The following GLRA3 variants were observed in gnomAD, a reference collection of about 807,000 sequenced individuals.
GLRA3 encodes the protein glycine receptor alpha 3, also known as glycine receptor subunit alpha-3.
A neutral mutation model predicts 60.4 loss-of-function variants in GLRA3; 44 were observed. The ratio of observed to expected loss-of-function variants is 0.73; its 90% confidence interval spans 0.57 to 0.94. The LOEUF is 0.94. GLRA3 is among the 40% of genes least tolerant of loss of function. GLRA3 has a pLI of 0.00. For missense variants in GLRA3, 508 were observed against 564.6 expected (o/e 0.90, Z 1.02); for synonymous variants, 223 against 192.9 (o/e 1.16, Z -1.29).
At chr4:174,773,729 G>T (rs566164030) in intron 2 of GLRA3, among the ~76,000 whole-genome samples, 33 of 152,206 alleles carry the variant, frequency 2.2e-4, no homozygotes, top group African/African-American at 7.5e-4. Flanking sequence ...CTTTAAAAAG[G>T]TTTGTAAATT....
chr4:174,810,714 A>G (rs1740229510), intron 1 of GLRA3, among the ~76,000 whole-genome samples: 1 of 152,130 alleles, frequency 6.6e-6, no homozygotes, highest in African/African-American at 2.4e-5. Context: ...GGCTATAATG[A>G]TTAGAGTCAA....
At chr4:174,808,727 C>A (rs889245329) in intron 1 of GLRA3, among the ~76,000 whole-genome samples, 5 of 151,836 alleles carry the variant, frequency 3.3e-5, no homozygotes, top group Non-Finnish European at 5.9e-5. Context: ...TAGTGATAAT[C>A]CTGATTCTCT....
chr4:174,735,771 A>G (rs1469105617), intron 3 of GLRA3, among the ~76,000 whole-genome samples: 1 of 152,152 alleles, frequency 6.6e-6, no homozygotes, highest in Non-Finnish European at 1.5e-5. Flanking sequence ...CATGTTCGCC[A>G]GGCTGGTCTG....
chr4:174,713,028 A>T (rs1379591096), intron 5 of GLRA3, among the ~76,000 whole-genome samples: 1 of 151,948 alleles, frequency 6.6e-6, no homozygotes, highest in East Asian at 1.9e-4. Context: ...GTCCTAAAAA[A>T]GTTTTAAGAA....
chr4:174,677,670 A>C (rs1188749211), intron 6 of GLRA3, among the ~76,000 whole-genome samples: 2 of 151,924 alleles, frequency 1.3e-5, no homozygotes, highest in African/African-American at 4.8e-5. Context: ...TCACAATTTC[A>C]TTTTGATAAG....
At chr4:174,740,567 T>C (rs1736979774) in intron 3 of GLRA3, among the ~76,000 whole-genome samples, 3 of 152,228 alleles carry the variant, frequency 2.0e-5, no homozygotes, top group African/African-American at 2.4e-5. Context: ...TCCACATACA[T>C]GTGAGACCTA....
intron 7 of GLRA3, among the ~76,000 whole-genome samples, chr4:174,670,287 G>A (rs1579418085): frequency 6.6e-6 from 1 of 152,040 alleles, no homozygotes; most frequent in East Asian, 1.9e-4. Flanking sequence ...CATTTTTATT[G>A]TAATCATATA....
At chr4:174,678,768 A>G (rs1283768007) in intron 6 of GLRA3, among the ~76,000 whole-genome samples, 1 of 152,230 alleles carries the variant, frequency 6.6e-6, no homozygotes, top group Non-Finnish European at 1.5e-5. Flanking sequence ...ATATATGAAA[A>G]TACTTTAGAT....
intron 5 of GLRA3, among the ~76,000 whole-genome samples, chr4:174,711,603 C>T (rs905275391): frequency 6.6e-6 from 1 of 151,936 alleles, no homozygotes; most frequent in African/African-American, 2.4e-5. Flanking sequence ...CCACGCCTGG[C>T]TAATTTTTGT....
intron 3 of GLRA3, among the ~76,000 whole-genome samples, chr4:174,751,820 C>T (rs972272388): frequency 6.6e-6 from 1 of 151,858 alleles, no homozygotes; most frequent in Non-Finnish European, 1.5e-5. Context: ...AGAATGCTTA[C>T]CCTTTTTATG....
At chr4:174,744,412 A>G (rs1389935609) in intron 3 of GLRA3, among the ~76,000 whole-genome samples, 1 of 152,236 alleles carries the variant, frequency 6.6e-6, no homozygotes, top group Non-Finnish European at 1.5e-5. Context: ...GGCACATTCG[A>G]AACCCTGCTA....
chr4:174,652,463 C>T (rs1049480925), intron 9 of GLRA3, among the ~76,000 whole-genome samples: 2 of 151,922 alleles, frequency 1.3e-5, no homozygotes, highest in East Asian at 3.9e-4. Context: ...CACAAGTAAA[C>T]CTTCTTACTA....
chr4:174,768,451 A>C (rs1738241566), intron 2 of GLRA3, among the ~76,000 whole-genome samples: 1 of 152,122 alleles, frequency 6.6e-6, no homozygotes, highest in Non-Finnish European at 1.5e-5. Flanking sequence ...TTAATGCCCG[A>C]CTTAGTATTC....
In GLRA3 at chr4:174,642,637, G is replaced by A; in HGVS notation, c.*1149C>T. On this transcript the variant is annotated 3_prime_UTR_variant, in exon 10 of 10. Transcript: ENST00000274093. ...TTTCATTTAAAATTATTCACATCTT[G>A]CGAATGGCTTAGATTTTGAAATCAT... is the stretch of plus-strand genomic sequence containing the variant. 1.2e-6 allele frequency: 1 copy of A among 837,448 alleles called. No individual in the cohort carries two copies. Among genetic ancestry groups the A allele is most frequent in the African/African-American group, 1.8e-5 (1 of 54,380 alleles). 51.9% of individuals were successfully genotyped at this position (837,448 alleles called of 1,614,324 possible).
In GLRA3 at chr4:174,640,529, A is replaced by C. The variant is rs944819287; in HGVS notation, c.*3257T>G. On this transcript the variant is annotated 3_prime_UTR_variant, in exon 10 of 10. Transcript: ENST00000274093. ...GAATAAAAAATGTTCAGAAAAAGGG[A>C]TGTATAGTATGGAAGATACATCTAA... 6.6e-6 allele frequency: 1 copy of C among 152,098 alleles called. No homozygotes were observed. The highest frequency in any genetic ancestry group is 1.5e-5 in the Non-Finnish European group (1 of 67,970). 9.4% of individuals were successfully genotyped at this position (152,098 alleles called of 1,614,324 possible). A position where few individuals can be genotyped will look rare whatever the true frequency, so the allele number is the denominator to read the frequency against.
At chr4:174,763,295 C>A (rs1738006105) in intron 3 of GLRA3, among the ~76,000 whole-genome samples, 1 of 152,124 alleles carries the variant, frequency 6.6e-6, no homozygotes, top group Non-Finnish European at 1.5e-5. Context: ...ACCTTCCATG[C>A]CTCAAAGATT....
intron 3 of GLRA3, among the ~76,000 whole-genome samples, chr4:174,743,470 A>G (rs562557368): frequency 3.3e-5 from 5 of 151,974 alleles, no homozygotes; most frequent in Non-Finnish European, 5.9e-5. Flanking sequence ...ATTTTGTTGA[A>G]TGTCCCTCAG....
intron 1 of GLRA3, among the ~76,000 whole-genome samples, chr4:174,803,372 T>A (rs1200907657): frequency 1.3e-5 from 2 of 152,164 alleles, no homozygotes; most frequent in Non-Finnish European, 2.9e-5. Context: ...TAAAGGAAAC[T>A]AATTAAGTGT....
In GLRA3 at chr4:174,715,539, G is replaced by A; in HGVS notation, c.523C>T (p.Leu175Phe). 6.4e-7 allele frequency: 1 copy of A among 1,555,164 alleles called. No homozygotes were observed. The highest frequency in any genetic ancestry group is 1.1e-5 in the South Asian group (1 of 87,554). ...LTLTLSCPMD[L>F]KNFPMDVQTC... is the part of the protein sequence containing the mutation. ...TGTACATCCATGGGAAAATTCTTGA[G>A]ATCCATTGGACAGGAAAGTGTTAAT... is the stretch of plus-strand genomic sequence containing the variant. Residue 175 changes from leucine (L) to phenylalanine (F), a missense_variant, in exon 5 of 10, where the codon CTC becomes TTC. Leu to Phe is a conservative substitution (Grantham distance 22). Coordinates refer to ENST00000274093, the MANE Select transcript of GLRA3 (RefSeq NM_006529.4).
Sources: allele counts gnomAD v4.1 joint callset (sites outside exome capture counted in the v4.1 genomes callset), GRCh38; gene constraint gnomAD v4.1.1; transcripts MANE v1.5; gene names NCBI Gene and HGNC (gene_info 2026-07-23, HGNC 2026-07-21).